SLC10A7: variants seen among roughly 807,000 people sequenced by gnomAD.
SLC10A7 encodes sodium/bile acid cotransporter 7.
In SLC10A7, 29 loss-of-function variants were observed where a neutral mutation model predicts 43.2. The ratio of observed to expected loss-of-function variants is 0.67; its 90% confidence interval spans 0.50 to 0.92. The LOEUF (loss-of-function observed/expected upper bound fraction) is 0.92. Among genes scored for constraint, SLC10A7 ranks in the 40% least tolerant of loss-of-function variants. The pLI is 0.00. For synonymous variants in SLC10A7, 152 were observed against 144.8 expected, an observed-to-expected ratio of 1.05 and a Z score of -0.35; for missense variants, 295 against 403.2, an observed-to-expected ratio of 0.73 and a Z score of 2.30.
chr4:146,291,944 C>T (rs750447105), intron 9 of SLC10A7, among the ~76,000 whole-genome samples: 7 of 152,008 alleles, frequency 4.6e-5, no homozygotes, highest in South Asian at 2.1e-4. Flanking sequence ...ATATTTGTAA[C>T]GTATAATAAA....
intron 5 of SLC10A7, among the ~76,000 whole-genome samples, chr4:146,370,758 C>T (rs1431204105): frequency 2.0e-5 from 3 of 152,108 alleles, no homozygotes; most frequent in African/African-American, 4.8e-5. Context: ...CTTTGTCTCT[C>T]TTATTTACGT....
intron 5 of SLC10A7, chr4:146,408,462 A>G (rs1358661094): frequency 6.6e-6 from 1 of 152,142 alleles, no homozygotes; most frequent in African/African-American, 2.4e-5. Context: ...AGACACAAGA[A>G]CTGCTTGAAC....
chr4:146,289,919 T>G (rs1368602783), intron 9 of SLC10A7, among the ~76,000 whole-genome samples: 2 of 150,176 alleles, frequency 1.3e-5, no homozygotes, highest in Non-Finnish European at 3.0e-5. Context: ...TTTCGCCATG[T>G]TGGCCTGGCT....
intron 5 of SLC10A7, among the ~76,000 whole-genome samples, chr4:146,336,015 T>C (rs1011457081): frequency 3.9e-5 from 6 of 152,116 alleles, no homozygotes; most frequent in Non-Finnish European, 8.8e-5. Flanking sequence ...ATAATCTGCA[T>C]CTTAGCAAGA....
intron 5 of SLC10A7, among the ~76,000 whole-genome samples, chr4:146,380,368 T>C (rs1579041097): frequency 6.6e-6 from 1 of 152,162 alleles, no homozygotes; most frequent in East Asian, 1.9e-4. Flanking sequence ...TTAATTGTAC[T>C]TGCAAAACAT....
chr4:146,287,228 T>G (rs533519780), intron 9 of SLC10A7, among the ~76,000 whole-genome samples: 13 of 151,976 alleles, frequency 8.6e-5, no homozygotes, highest in Admixed American at 1.3e-4. Flanking sequence ...AGGACCGTCT[T>G]TGGAGTGGTA....
Position 146,519,095 on chromosome 4 carries a change from ATATATATATATATAT to A in SLC10A7, c.101-1990_101-1976del, listed in dbSNP as rs1738324735. 9.1e-5 allele frequency among the ~76,000 whole-genome samples: 10 copies of A among 109,952 alleles called. 2 individuals are homozygous for A. The highest frequency in any genetic ancestry group is 6.6e-4 in the Admixed American group (6 of 9,096). The allele number at this position is 109,952 out of a possible 152,430, so 72.1% of individuals were successfully genotyped here. A position where few individuals can be genotyped will look rare whatever the true frequency, so the allele number is the denominator to read the frequency against. On this transcript the variant is annotated intron_variant, in intron 1 of 11. Coordinates refer to ENST00000335472, the MANE Select transcript of SLC10A7 (RefSeq NM_001029998.6). ...TATATATATATATATATATATATAT[ATATATATATATATAT>A]ATAATATAATATATAATTAATATAT...
intron 5 of SLC10A7, among the ~76,000 whole-genome samples, chr4:146,412,723 A>C (rs1000105571): frequency 1.3e-5 from 2 of 152,174 alleles, no homozygotes; most frequent in Non-Finnish European, 2.9e-5. Flanking sequence ...TCTCTGATAC[A>C]AAAATTATCT....
rs553469051 is a variant in SLC10A7 at position 146,376,443 on chromosome 4, AC to A, written c.436-50448del. On this transcript the variant is annotated intron_variant, in intron 5 of 11. Coordinates refer to ENST00000335472, the MANE Select transcript of SLC10A7 (RefSeq NM_001029998.6). Reference sequence around the variant, plus strand: ...TTCCAAAACCACCCTGGCCCACCACACCCCCCATCCTATACCCATTAAAAAC... The same window carrying A: ...TTCCAAAACCACCCTGGCCCACCACACCCCCATCCTATACCCATTAAAAAC... Among the ~76,000 whole-genome samples the A allele has an allele frequency of 3.6e-3, 547 of 151,212 alleles. 3 individuals are homozygous for A. The highest frequency in any genetic ancestry group is 0.013 in the African/African-American group (521 of 41,126).
chr4:146,398,765 G>A (rs192672095), intron 5 of SLC10A7, among the ~76,000 whole-genome samples: 1 of 152,362 alleles, frequency 6.6e-6, no homozygotes, highest in Non-Finnish European at 1.5e-5. Context: ...AGTGGGAAAA[G>A]AGAAACTCTG....
At chr4:146,434,447 G>C (rs1171130626) in intron 5 of SLC10A7, among the ~76,000 whole-genome samples, 1 of 152,130 alleles carries the variant, frequency 6.6e-6, no homozygotes, top group Admixed American at 6.5e-5. Flanking sequence ...CATCTAAATT[G>C]GTAGATACAA....
intron 7 of SLC10A7, among the ~76,000 whole-genome samples, chr4:146,295,608 T>C (rs576790397): frequency 2.6e-5 from 4 of 152,252 alleles, no homozygotes; most frequent in Non-Finnish European, 5.9e-5. Flanking sequence ...ATAGGTATCA[T>C]GGGTATCTAG....
chr4:146,367,911 A>G (rs568539873), intron 5 of SLC10A7, among the ~76,000 whole-genome samples: 117 of 152,342 alleles, frequency 7.7e-4, no homozygotes, highest in African/African-American at 2.5e-3. Context: ...TCAATCAAAG[A>G]ACAATAGCAA....
intron 4 of SLC10A7, among the ~76,000 whole-genome samples, chr4:146,488,438 T>C (rs1735098537): frequency 6.6e-6 from 1 of 152,298 alleles, no homozygotes; most frequent in South Asian, 2.1e-4. Flanking sequence ...GTGCAAATCA[T>C]TTTTCCCACA....
intron 4 of SLC10A7, among the ~76,000 whole-genome samples, chr4:146,463,740 T>TA (rs762483471): frequency 5.3e-5 from 8 of 151,010 alleles, no homozygotes; most frequent in Non-Finnish European, 7.4e-5. Context: ...GACCCTGTCT[T>TA]AAAAAAACAA....
At chr4:146,391,807 C>G (rs188116824) in intron 5 of SLC10A7, among the ~76,000 whole-genome samples, 5 of 152,284 alleles carry the variant, frequency 3.3e-5, no homozygotes, top group African/African-American at 1.2e-4. Context: ...AATTCATTCT[C>G]CCTCTATCTT....
At chr4:146,515,916 A>C (rs1737916084) in intron 2 of SLC10A7, among the ~76,000 whole-genome samples, 1 of 150,454 alleles carries the variant, frequency 6.6e-6, no homozygotes, top group Admixed American at 6.6e-5. Flanking sequence ...TCTCAAAAAA[A>C]AAAAAAAAAA....
intron 10 of SLC10A7, among the ~76,000 whole-genome samples, chr4:146,270,633 G>A (rs1320027525): frequency 6.6e-6 from 1 of 152,168 alleles, no homozygotes; most frequent in Admixed American, 6.5e-5. Context: ...TCTAATGTGG[G>A]CCAGGTTAAA....
chr4:146,333,907 G>A (rs1046751519), intron 5 of SLC10A7, among the ~76,000 whole-genome samples: 2 of 152,080 alleles, frequency 1.3e-5, no homozygotes, highest in African/African-American at 4.8e-5. Context: ...CAGGACTCCA[G>A]GCAGAAGATG....
Sources: gnomAD v4.1 joint callset for allele counts (sites outside exome capture counted in the v4.1 genomes callset) on GRCh38, gnomAD v4.1.1 for gene constraint, MANE v1.5 for transcripts, NCBI Gene and HGNC (gene_info 2026-07-23, HGNC 2026-07-21) for gene names.